The following KIF13A variants were observed in gnomAD, a reference collection of about 807,000 sequenced individuals.
KIF13A encodes kinesin family member 13A.
A neutral mutation model predicts 212.2 loss-of-function variants in KIF13A; 79 were observed. The observed-to-expected ratio is 0.37, with a 90% CI of 0.31 to 0.45. The LOEUF is 0.45. Ranked by LOEUF, KIF13A falls within the 20% of genes least tolerant of loss-of-function variation. The pLI, the probability that KIF13A is intolerant of heterozygous loss-of-function variation, is 1.00. For missense variants in KIF13A, 1,901 were observed against 2,209.0 expected, an observed-to-expected ratio of 0.86 and a Z score of 2.79; for synonymous variants, 789 against 808.6, an observed-to-expected ratio of 0.98 and a Z score of 0.41.
At chr6:17,781,391 G>A in intron 29 of KIF13A, 90 bp from the exon 30 acceptor site, 4 of 1,336,402 alleles carry the variant, frequency 3.0e-6, no homozygotes, top group Non-Finnish European at 4.1e-6. Context: ...TTTTACAGTT[G>A]AAGTTTACAC....
intron 4 of KIF13A, among the ~76,000 whole-genome samples, chr6:17,869,552 G>A (rs1185091081): frequency 1.3e-5 from 2 of 152,112 alleles, no homozygotes; most frequent in East Asian, 1.9e-4. Context: ...ACAGATAGAA[G>A]GTGTTAGAGC....
intron 16 of KIF13A, among the ~76,000 whole-genome samples, chr6:17,824,902 T>A (rs891968163): frequency 6.6e-6 from 1 of 152,052 alleles, no homozygotes; most frequent in African/African-American, 2.4e-5. Context: ...CAAGATCAGA[T>A]GAATGAGAAG....
In KIF13A at chr6:17,825,982, A is replaced by G. The variant is rs1438511931; in HGVS notation, c.1620-48T>C. 6.2e-7 allele frequency: 1 copy of G among 1,610,762 alleles called. No individual in the cohort carries two copies. The highest frequency in any genetic ancestry group is 1.1e-5 in the South Asian group (1 of 90,898). The stretch of plus-strand genomic sequence containing the variant: ...AGAAAATCAACTTGTTTTACACTTA[A>G]ATAGATAACAGAAAAAATGTATACG... On this transcript the variant is annotated intron_variant, in intron 15 of 38. Coordinates refer to ENST00000259711, the MANE Select transcript of KIF13A (RefSeq NM_022113.6). This position sits in a 1 kb window ranked among gnomAD's most constrained non-coding sequence, Gnocchi z 4.5.
At chr6:17,874,999 GCACGCA>G (rs796192094) in intron 3 of KIF13A, among the ~76,000 whole-genome samples, 22 of 120,296 alleles carry the variant, frequency 1.8e-4, no homozygotes, top group East Asian at 4.7e-4. Flanking sequence ...ACACGCACAC[GCACGCA>G]CACACACACA....
At position 17,843,214 on chromosome 6, in the gene KIF13A, C is replaced by T. The variant is rs2150388730; in HGVS notation, c.831-5631G>A. On this transcript the variant is annotated intron_variant, in intron 9 of 38. Coordinates refer to ENST00000259711, the MANE Select transcript of KIF13A (RefSeq NM_022113.6). This position sits in a 1 kb window ranked among gnomAD's most constrained non-coding sequence, Gnocchi z 5.3. Reference sequence around the variant, plus strand: ...AAATATCTGCAGCGTTAATCTGAATCTAGATTCAGTGAAGACCAAAACATG... The same window carrying T: ...AAATATCTGCAGCGTTAATCTGAATTTAGATTCAGTGAAGACCAAAACATG... Among the ~76,000 whole-genome samples the T allele has an allele frequency of 6.6e-6, 1 of 152,290 alleles. No individual in the cohort carries two copies. Among genetic ancestry groups the T allele is most frequent in the South Asian group, 2.1e-4 (1 of 4,830 alleles).
chr6:17,955,119 G>A (rs62398185), intron 2 of KIF13A, among the ~76,000 whole-genome samples: 4,166 of 152,178 alleles, frequency 0.027, 77 homozygotes, highest in Non-Finnish European at 0.038. Context: ...TGTGAGCCAC[G>A]GCACCTGGCC....
In KIF13A at chr6:17,799,347, C is replaced by T. The variant is rs1762294926; in HGVS notation, c.2709G>A (p.Val903=). 6.2e-7 allele frequency: 1 copy of T among 1,613,174 alleles called. No homozygotes were observed. The highest frequency in any genetic ancestry group is 8.5e-7 in the Non-Finnish European group (1 of 1,179,520). ...YTFWDQCEST[V]AAPVVDPEVP... is the part of the protein sequence containing the mutation. Reference sequence around the variant, plus strand: ...CCTCGGGGTCCACCACCGGGGCAGCCACCGTAGACTCACACTGGTCCCAGA... The same window carrying T: ...CCTCGGGGTCCACCACCGGGGCAGCTACCGTAGACTCACACTGGTCCCAGA... Residue 903 remains valine (V), a synonymous_variant, in exon 22 of 39, where the codon GTG becomes GTA. Transcript: ENST00000259711. This position sits in a 1 kb window ranked among gnomAD's most constrained non-coding sequence, Gnocchi z 4.4.
At chr6:17,793,858 G>A (rs528429824) in intron 25 of KIF13A, among the ~76,000 whole-genome samples, 2 of 151,996 alleles carry the variant, frequency 1.3e-5, no homozygotes, top group South Asian at 4.1e-4. Context: ...AGGCTGCAGT[G>A]AGCCATGATC....
chr6:17,766,914 A>G (rs114185364), intron 38 of KIF13A, among the ~76,000 whole-genome samples: 2,266 of 152,302 alleles, frequency 0.015, 59 homozygotes, highest in African/African-American at 0.051. Flanking sequence ...TTTTAAAATA[A>G]TTTAGTTTTT....
At position 17,785,182 on chromosome 6, in the gene KIF13A, T is replaced by C. The variant is rs1760943077; in HGVS notation, c.3488+333A>G. On this transcript the variant is annotated intron_variant, in intron 28 of 38. Transcript: ENST00000259711. This position sits in a 1 kb window ranked among gnomAD's most constrained non-coding sequence, Gnocchi z 5.8. ...TACCAAAAAAATAGCTCCACTAATA[T>C]ATTTTCTGTCCTATTCAAATACTTT... Among the ~76,000 whole-genome samples, 1 of 152,202 alleles carries C rather than the reference T, an allele frequency of 6.6e-6. No individual in the cohort carries two copies. The highest frequency in any genetic ancestry group is 2.1e-4 in the South Asian group (1 of 4,828).
Position 17,865,539 on chromosome 6 carries a change from T to G in KIF13A, c.220+7838A>C, listed in dbSNP as rs572806616. Among the ~76,000 whole-genome samples the G allele has an allele frequency of 2.0e-5, 3 of 152,302 alleles. No individual in the cohort carries two copies. In the East Asian group the frequency reaches 5.8e-4, roughly 29 times the overall value. Reference sequence around the variant, plus strand: ...CTCACATACCTGAAGGGGTGAAGAATGCCCAGCTTGGATGAGGTTTAAATA... The same window carrying G: ...CTCACATACCTGAAGGGGTGAAGAAGGCCCAGCTTGGATGAGGTTTAAATA... On this transcript the variant is annotated intron_variant, in intron 4 of 38. Coordinates refer to ENST00000259711, the MANE Select transcript of KIF13A (RefSeq NM_022113.6).
rs1022338104 is a variant in KIF13A, at chr6:17,947,525, T to C, written c.146+39529A>G. Among the ~76,000 whole-genome samples, 6 of 152,110 alleles carry C rather than the reference T, an allele frequency of 3.9e-5. No homozygotes were observed. Among genetic ancestry groups the C allele is most frequent in the Admixed American group, 3.9e-4 (6 of 15,268 alleles). ...CTGTTAAATTTCCTGAATTTGGTAA[T>C]AGTCTTAGAAAATACACCAAGAGCT... On this transcript the variant is annotated intron_variant, in intron 2 of 38. Coordinates refer to ENST00000259711, the MANE Select transcript of KIF13A (RefSeq NM_022113.6). The surrounding 1 kb of genome is among the most constrained non-coding windows in gnomAD (Gnocchi z 4.6).
intron 16 of KIF13A, among the ~76,000 whole-genome samples, chr6:17,823,502 C>G (rs1012752432): frequency 6.8e-6 from 1 of 146,292 alleles, no homozygotes; most frequent in South Asian, 2.2e-4. Flanking sequence ...GACTCTCGCT[C>G]TGTTGCTCAG....
chr6:17,932,513 G>A (rs538827511), intron 2 of KIF13A, among the ~76,000 whole-genome samples: 57 of 152,292 alleles, frequency 3.7e-4, no homozygotes, highest in Non-Finnish European at 6.5e-4. Context: ...ATCTGCATTA[G>A]CTTCTTGATC....
At chr6:17,929,978 G>A (rs1192935792) in intron 2 of KIF13A, among the ~76,000 whole-genome samples, 1 of 152,196 alleles carries the variant, frequency 6.6e-6, no homozygotes, top group African/African-American at 2.4e-5. Context: ...CTGACAAGAA[G>A]GGCAACTGTT....
chr6:17,825,815 T>C lies in KIF13A; in HGVS notation c.1739A>G (p.Tyr580Cys), dbSNP rs1483476338. The part of the protein sequence containing the change: ...SEASSEPDYN[Y>C]EFAQMEVIMK... The stretch of plus-strand genomic sequence containing the variant: ...GATAACTTCCATCTGTGCAAATTCA[T>C]AGTTATAGTCTGGTTCAGAGGAAGC... Residue 580 changes from tyrosine to cysteine, a missense_variant, in exon 16 of 39, where the codon TAT (tyrosine) becomes TGT (cysteine). Physicochemically the swap from Tyr to Cys is radical, Grantham distance 194 (BLOSUM62 -2). This residue lies in a region of KIF13A where 534 missense variants were observed against 536.9 expected (regional missense o/e 0.99). Transcript: ENST00000259711. This position sits in a 1 kb window ranked among gnomAD's most constrained non-coding sequence, Gnocchi z 4.5. 4 of 1,613,956 alleles carry C rather than the reference T, an allele frequency of 2.5e-6. No individual in the cohort carries two copies. Among genetic ancestry groups the C allele is most frequent in the Non-Finnish European group, 2.5e-6 (3 of 1,179,862 alleles).
intron 2 of KIF13A, among the ~76,000 whole-genome samples, chr6:17,952,703 G>A (rs1777972765): frequency 6.6e-6 from 1 of 152,142 alleles, no homozygotes; most frequent in Non-Finnish European, 1.5e-5. Flanking sequence ...GGCTGAGGCA[G>A]GCAGATCACG....
chr6:17,964,781 C>A (rs1007274086), intron 2 of KIF13A, among the ~76,000 whole-genome samples: 1 of 151,936 alleles, frequency 6.6e-6, no homozygotes, highest in Non-Finnish European at 1.5e-5. Context: ...TCCCAGATAA[C>A]CCAGGTCAAT....
chr6:17,962,495 CG>C (rs1449573700), intron 2 of KIF13A, among the ~76,000 whole-genome samples: 1 of 152,016 alleles, frequency 6.6e-6, no homozygotes, highest in Non-Finnish European at 1.5e-5. Context: ...ACAGATGACA[CG>C]GACCACAGAG....
Sources: allele counts gnomAD v4.1 joint callset (sites outside exome capture counted in the v4.1 genomes callset), GRCh38; gene constraint gnomAD v4.1.1; regional missense constraint gnomAD v4.1.1; non-coding constraint Gnocchi (gnomAD v3.1); transcripts MANE v1.5; gene names NCBI Gene and HGNC (gene_info 2026-07-23, HGNC 2026-07-21).